MPPED1: variants seen among roughly 807,000 people sequenced by gnomAD.
MPPED1 encodes metallophosphoesterase domain containing 1.
In MPPED1, 16 loss-of-function variants were observed where a neutral mutation model predicts 36.2. That is an observed-to-expected ratio of 0.44 (90% confidence interval 0.30 to 0.67). The LOEUF is 0.67. MPPED1 is among the 30% of genes least tolerant of loss of function. The pLI is 0.10. For missense variants in MPPED1, 307 were observed against 453.4 expected (o/e 0.68, Z 2.93); for synonymous variants, 199 against 191.3 (o/e 1.04, Z -0.33).
intron 2 of MPPED1, among the ~76,000 whole-genome samples, chr22:43,426,199 C>T (rs1022487785): frequency 4.6e-5 from 7 of 152,210 alleles, no homozygotes; most frequent in African/African-American, 1.2e-4. Flanking sequence ...GAGTCCAGCC[C>T]GGGGCTCTCC....
chr22:43,498,115 TG>T, intron 4 of MPPED1, 119 bp from the exon 5 acceptor site: 2 of 693,936 alleles, frequency 2.9e-6, no homozygotes, highest in Non-Finnish European at 4.7e-6. Context: ...AGACCTTCCC[TG>T]GGTCTCCAGG....
At chr22:43,480,122 G>A (rs916666965) in intron 4 of MPPED1, among the ~76,000 whole-genome samples, 53 of 152,158 alleles carry the variant, frequency 3.5e-4, no homozygotes, top group East Asian at 3.9e-4. Flanking sequence ...GGGTTAGATC[G>A]TAATGGTTTT....
intron 3 of MPPED1, among the ~76,000 whole-genome samples, chr22:43,439,278 A>G (rs989275781): frequency 1.3e-5 from 2 of 152,262 alleles, no homozygotes; most frequent in Non-Finnish European, 2.9e-5. Flanking sequence ...GGCCATTAAT[A>G]TCCCAAATGT....
intron 3 of MPPED1, among the ~76,000 whole-genome samples, chr22:43,438,245 G>T (rs545445054): frequency 1.3e-5 from 2 of 152,300 alleles, no homozygotes; most frequent in Admixed American, 6.5e-5. Flanking sequence ...ATTCAGCTGG[G>T]TGGGCACGGA....
chr22:43,432,271 GGAGAGA>G (rs749549215), intron 2 of MPPED1, among the ~76,000 whole-genome samples: 2 of 148,634 alleles, frequency 1.3e-5, no homozygotes, highest in East Asian at 2.0e-4. Flanking sequence ...GAGAAAGGGA[GGAGAGA>G]GAGAGAAAGG....
At chr22:43,493,998 G>C (rs1305972179) in intron 4 of MPPED1, among the ~76,000 whole-genome samples, 1 of 152,112 alleles carries the variant, frequency 6.6e-6, no homozygotes, top group Admixed American at 6.5e-5. Flanking sequence ...TTCCTTTTGG[G>C]GGGCTCTGAG....
At chr22:43,494,160 T>C (rs1250202213) in intron 4 of MPPED1, among the ~76,000 whole-genome samples, 3 of 152,154 alleles carry the variant, frequency 2.0e-5, no homozygotes, top group Non-Finnish European at 2.9e-5. Context: ...CCCATCCTCT[T>C]GAGTAGCTGG....
chr22:43,452,039 A>G (rs886282855), intron 3 of MPPED1, among the ~76,000 whole-genome samples: 1 of 150,494 alleles, frequency 6.6e-6, no homozygotes, highest in African/African-American at 2.5e-5. Flanking sequence ...TTTTTTTGAA[A>G]TGGAGTCTTG....
At chr22:43,434,966 G>A in intron 2 of MPPED1, 68 bp from the exon 3 acceptor site, 2 of 1,516,374 alleles carry the variant, frequency 1.3e-6, no homozygotes, top group South Asian at 1.2e-5. Context: ...GGATGGGGCT[G>A]CAGACACACC....
chr22:43,492,863 T>G (rs1008380555), intron 4 of MPPED1, among the ~76,000 whole-genome samples: 2 of 152,210 alleles, frequency 1.3e-5, no homozygotes, highest in African/African-American at 4.8e-5. Context: ...CTGGGGGTTC[T>G]GGGGCTTTTC....
intron 4 of MPPED1, among the ~76,000 whole-genome samples, chr22:43,494,000 G>A (rs1231916442): frequency 6.6e-6 from 1 of 152,108 alleles, no homozygotes; most frequent in East Asian, 1.9e-4. Context: ...CCTTTTGGGG[G>A]GCTCTGAGGG....
intron 1 of MPPED1, among the ~76,000 whole-genome samples, chr22:43,414,839 T>C (rs12485150): frequency 0.22 from 32,805 of 152,018 alleles, 4,848 homozygotes; most frequent in East Asian, 0.61. Flanking sequence ...CTGCCTGCCC[T>C]TCTGGAGCAA....
chr22:43,423,606 A>T (rs986778285), intron 1 of MPPED1, among the ~76,000 whole-genome samples: 5 of 152,180 alleles, frequency 3.3e-5, no homozygotes, highest in Admixed American at 6.5e-5. Flanking sequence ...ATCAAGATTT[A>T]AAAAAATTAA....
chr22:43,480,356 G>T (rs148967178), intron 4 of MPPED1, among the ~76,000 whole-genome samples: 1 of 152,164 alleles, frequency 6.6e-6, no homozygotes, highest in Non-Finnish European at 1.5e-5. Flanking sequence ...GTGCTTGCTC[G>T]CATGTTCTCA....
chr22:43,465,974 A>G (rs1160783891), intron 3 of MPPED1, among the ~76,000 whole-genome samples: 1 of 152,184 alleles, frequency 6.6e-6, no homozygotes, highest in African/African-American at 2.4e-5. Context: ...AGGTTCCCAC[A>G]AAGTCCTGCT....
chr22:43,499,668 A>G (rs1274915425), intron 5 of MPPED1, among the ~76,000 whole-genome samples: 37 of 19,920 alleles, frequency 1.9e-3, no homozygotes, highest in Non-Finnish European at 2.0e-3. Context: ...GGTGGCGGTG[A>G]TGGGGGTGAT....
intron 4 of MPPED1, among the ~76,000 whole-genome samples, chr22:43,489,500 C>T (rs1298809094): frequency 1.3e-5 from 2 of 151,748 alleles, no homozygotes. Context: ...TTGTGCATGA[C>T]TTGACTCCTC....
rs1274178981 is a variant in MPPED1, at chr22:43,463,806, C to CTTTTCTTTCTTTCTTTTTT, written c.407-10914_407-10913insTTTTTTTCTTTCTTTCTTT. 1.8e-3 allele frequency among the ~76,000 whole-genome samples: 221 copies of CTTTTCTTTCTTTCTTTTTT among 121,652 alleles called. 5 individuals carry two copies. The highest frequency in any genetic ancestry group is 4.9e-3 in the Middle Eastern group (1 of 206). 79.8% of individuals were successfully genotyped at this position (121,652 alleles called of 152,430 possible). A position where few individuals can be genotyped will look rare whatever the true frequency, so the allele number is the denominator to read the frequency against. On this transcript the variant is annotated intron_variant, in intron 3 of 6. Transcript: ENST00000443721. ...CACTGTGGTTGATTTTTCATTTTTT[C>CTTTTCTTTCTTTCTTTTTT]TTTTCTTTCTTTCTTTCTTTCTTTC...
rs1397149355 is a variant in MPPED1, at chr22:43,417,869, A to G, written c.-79+5711A>G. 5 of 362,692 alleles carry G rather than the reference A, an allele frequency of 1.4e-5. No individual in the cohort carries two copies. The East Asian group carries it at 3.7e-4, about 27-fold the overall frequency. The allele number at this position is 362,692 out of a possible 1,614,324, so 22.5% of individuals were successfully genotyped here. A position where few individuals can be genotyped will look rare whatever the true frequency, so the allele number is the denominator to read the frequency against. ...CTCCTACTCTCAGTTAAAGGCCCCAAGAGGAGACGGAGCCAAGGTGCGTCT... is the reference window on the plus strand; with the variant it reads ...CTCCTACTCTCAGTTAAAGGCCCCAGGAGGAGACGGAGCCAAGGTGCGTCT... On this transcript the variant is annotated intron_variant, in intron 1 of 6. Coordinates refer to ENST00000443721, the MANE Select transcript of MPPED1 (RefSeq NM_001044370.2).
Sources: gnomAD v4.1 joint callset for allele counts (sites outside exome capture counted in the v4.1 genomes callset) on GRCh38, gnomAD v4.1.1 for gene constraint, MANE v1.5 for transcripts, NCBI Gene and HGNC (gene_info 2026-07-23, HGNC 2026-07-21) for gene names.